NEMP1: variants seen among roughly 807,000 people sequenced by gnomAD.
NEMP1 encodes the protein nuclear envelope integral membrane protein 1.
Under a neutral mutation model 53.7 loss-of-function variants are expected in NEMP1, and 29 were observed. The observed-to-expected ratio is 0.54, with a 90% confidence interval of 0.40 to 0.74. NEMP1 has a LOEUF of 0.74. NEMP1 is among the 30% of genes least tolerant of loss of function. NEMP1 has a pLI of 0.00. For missense variants in NEMP1, 477 were observed against 528.6 expected (o/e 0.90, Z 0.96); for synonymous variants, 193 against 192.9 (o/e 1.00, Z 0.00).
chr12:57,060,907 C>A lies in NEMP1; in HGVS notation c.1019G>T (p.Arg340Leu). 6.2e-7 allele frequency: 1 copy of A among 1,614,064 alleles called. No homozygotes were observed. Among genetic ancestry groups the A allele is most frequent in the Non-Finnish European group, 8.5e-7 (1 of 1,179,982 alleles). Residue 340 changes from arginine to leucine, a missense_variant, in exon 8 of 9, where the codon CGT (arginine) becomes CTT (leucine). Transcript: ENST00000300128. ...CCGATATTCTTCTTCTGTCAGGAGA[C>A]GAGGGGGAACAGGCTTTTCTGCTCC... is the stretch of plus-strand genomic sequence containing the variant. ...CKGAEKPVPPRLLTEEEYRIQ... is the reference protein window; with the variant it reads ...CKGAEKPVPPLLLTEEEYRIQ...
chr12:57,082,189 C>CTGCAATG, upstream of NEMP1, among the ~76,000 whole-genome samples: 1 of 152,196 alleles, frequency 6.6e-6, no homozygotes, highest in Admixed American at 6.5e-5. Flanking sequence ...CACTGCACTC[C>CTGCAATG]AGCCCGGTGA....
intron 1 of NEMP1, among the ~76,000 whole-genome samples, chr12:57,073,147 A>G (rs1244460494): frequency 2.0e-5 from 3 of 151,808 alleles, no homozygotes; most frequent in East Asian, 3.9e-4. Context: ...AATAAAAACT[A>G]CTATTAAGTA....
chr12:57,070,409 A>T (rs760966947), intron 3 of NEMP1, among the ~76,000 whole-genome samples: 1 of 152,226 alleles, frequency 6.6e-6, no homozygotes, highest in Non-Finnish European at 1.5e-5. Context: ...TAGCAGCACA[A>T]TGTAATTGGG....
chr12:57,068,806 T>G (rs1592507583), intron 4 of NEMP1, among the ~76,000 whole-genome samples: 2 of 152,172 alleles, frequency 1.3e-5, no homozygotes, highest in African/African-American at 4.8e-5. Context: ...GACCTCATGA[T>G]CCGCCAGCCT....
At chr12:57,072,651 G>A (rs1044095209) in intron 2 of NEMP1, 137 bp downstream of exon 2, 75 of 923,134 alleles carry the variant, frequency 8.1e-5, no homozygotes, top group Non-Finnish European at 1.1e-4. Context: ...ACACAACTCA[G>A]GATAATCTCA....
chr12:57,087,553 C>T (rs1203543230), intron 1 of NEMP1, among the ~76,000 whole-genome samples: 1 of 151,890 alleles, frequency 6.6e-6, no homozygotes, highest in African/African-American at 2.4e-5. Context: ...GGAGACGGGA[C>T]TCTGCTCGTT....
At position 57,057,170 on chromosome 12, in the gene NEMP1, T is replaced by G. The variant is rs2031565564; in HGVS notation, c.*2709A>C. On this transcript the variant is annotated 3_prime_UTR_variant, in exon 9 of 9. Transcript: ENST00000300128. Reference sequence around the variant, plus strand: ...TACATTAATGCTCTACATAATTTGGTCAGACTGATGAGAGGCAATAGATTT... The same window carrying G: ...TACATTAATGCTCTACATAATTTGGGCAGACTGATGAGAGGCAATAGATTT... 1 of 152,154 alleles carries G rather than the reference T, an allele frequency of 6.6e-6. No homozygotes were observed. The highest frequency in any genetic ancestry group is 6.5e-5 in the Admixed American group (1 of 15,280). 9.4% of individuals were successfully genotyped at this position (152,154 alleles called of 1,614,324 possible).
In NEMP1 at chr12:57,070,751, C is replaced by T. The variant is rs2032306895; in HGVS notation, c.395G>A (p.Gly132Asp). 6.3e-7 allele frequency: 1 copy of T among 1,594,790 alleles called. No homozygotes were observed. The highest frequency in any genetic ancestry group is 1.7e-4 in the Middle Eastern group (1 of 6,042). Residue 132 changes from glycine (G) to aspartate (D), a missense_variant, in exon 3 of 9, where the codon GGT becomes GAT. Transcript: ENST00000300128. ...EKLNDTYVNV[G>D]LYSTKTCLKV... ...GAGGCAGGTTTTTGTGCTGTATAGA[C>T]CCACGTTAACATAGGTGTCATTCAA...
Position 57,070,865 on chromosome 12 carries a change from C to T in NEMP1, c.281G>A (p.Arg94Gln). 1.9e-6 allele frequency: 3 copies of T among 1,613,998 alleles called. No individual in the cohort carries two copies. Among genetic ancestry groups the T allele is most frequent in the Non-Finnish European group, 2.5e-6 (3 of 1,179,992 alleles). The change falls in exon 3 of 9, where the codon CGA becomes CAA. Residue 94 changes from arginine (R) to glutamine (Q), a missense_variant. Physicochemically the swap from Arg to Gln is conservative, Grantham distance 43 (BLOSUM62 1). Transcript: ENST00000300128. ...QIRVNSSRLV[R>Q]VTQVENEEKL... is the part of the protein sequence containing the mutation. ...CTCCTCATTCTCCACCTGGGTGACT[C>T]GAACCAATCTGGAACTATTTACTCG...
intron 8 of NEMP1, 55 bp downstream of exon 8, chr12:57,060,717 G>A: frequency 2.6e-6 from 4 of 1,529,680 alleles, no homozygotes; most frequent in Admixed American, 2.0e-5. Context: ...ATCTCTGGTA[G>A]AACTCAAGGT....
rs191983992 is a variant in NEMP1 at position 57,078,684 on chromosome 12, C to T, written c.62G>A (p.Gly21Glu). 1.2e-6 allele frequency: 2 copies of T among 1,613,672 alleles called. No homozygotes were observed. The highest frequency in any genetic ancestry group is 1.7e-6 in the Non-Finnish European group (2 of 1,179,794). ...CCGCACTGTCCCACCGCCCCCGACT[C>T]CCGAGCCCCAGGGCCCGGGACCAAC... ...PAVGPGPWGS[G>E]VGGGGTVRLL... is the part of the protein sequence containing the mutation. Residue 21 changes from glycine (G) to glutamate (E), a missense_variant, in exon 1 of 9, where the codon GGA becomes GAA. Gly to Glu is a moderately conservative substitution (Grantham distance 98). Coordinates refer to ENST00000300128, the MANE Select transcript of NEMP1 (RefSeq NM_001130963.2).
chr12:57,063,152 T>C lies in NEMP1; in HGVS notation c.947A>G (p.Glu316Gly). ...IIIALCTKNLEHPIQWLYITC... is the reference protein window; with the variant it reads ...IIIALCTKNLGHPIQWLYITC... ...GATGTACAGCCACTGAATAGGGTGTTCCAGGTTCTTAGTACAAAGAGCAAT... is the reference window on the plus strand; with the variant it reads ...GATGTACAGCCACTGAATAGGGTGTCCCAGGTTCTTAGTACAAAGAGCAAT... Residue 316 changes from glutamate (E) to glycine (G), a missense_variant, in exon 7 of 9, where the codon GAA becomes GGA. Coordinates refer to ENST00000300128, the MANE Select transcript of NEMP1 (RefSeq NM_001130963.2). 1.2e-6 allele frequency: 2 copies of C among 1,614,104 alleles called. No homozygotes were observed. The highest frequency in any genetic ancestry group is 1.7e-6 in the Non-Finnish European group (2 of 1,179,966).
At chr12:57,086,535 CCCCA>C (rs1336963926) in intron 1 of NEMP1, among the ~76,000 whole-genome samples, 1 of 151,788 alleles carries the variant, frequency 6.6e-6, no homozygotes, top group African/African-American at 2.4e-5. Flanking sequence ...ACTCCCCCCC[CCCCA>C]CACACACACC....
chr12:57,067,937 T>C (rs867242429), intron 4 of NEMP1, among the ~76,000 whole-genome samples: 13 of 152,010 alleles, frequency 8.6e-5, no homozygotes, highest in Non-Finnish European at 1.9e-4. Context: ...GCCTGGCTAA[T>C]TTTTGTATTT....
rs1027554434 is a variant in NEMP1, at chr12:57,069,183, G to C, written c.545+51C>G. The C allele has an allele frequency of 4.6e-6, 6 of 1,305,732 alleles. No individual in the cohort carries two copies. In the East Asian group the frequency reaches 7.9e-5, roughly 17 times the overall value. 80.9% of individuals were successfully genotyped at this position (1,305,732 alleles called of 1,614,324 possible). ...TACTTAATAGTTACTATAAAACGCA[G>C]GCAGGATAGGTATGAGCCGTTTCAT... On this transcript the variant is annotated intron_variant, in intron 4 of 8. Transcript: ENST00000300128.
upstream of NEMP1, among the ~76,000 whole-genome samples, chr12:57,088,397 G>A (rs2033079371): frequency 6.6e-6 from 1 of 152,204 alleles, no homozygotes; most frequent in Non-Finnish European, 1.5e-5. Flanking sequence ...ATATCTAGGA[G>A]ATCCCTGCAG....
chr12:57,062,506 C>G (rs2031862130), intron 7 of NEMP1, among the ~76,000 whole-genome samples: 1 of 149,068 alleles, frequency 6.7e-6, no homozygotes, highest in African/African-American at 2.5e-5. Flanking sequence ...CCCAGGAGAC[C>G]TCAATGAGCA....
intron 1 of NEMP1, among the ~76,000 whole-genome samples, chr12:57,084,013 A>G (rs1025872839): frequency 6.6e-6 from 1 of 150,716 alleles, no homozygotes; most frequent in African/African-American, 2.5e-5. Context: ...CCCAGGCTGG[A>G]GTGCGATGGC....
rs2031523658 is a variant in NEMP1 at position 57,056,348 on chromosome 12, A to T, written c.*3531T>A. 1 of 152,194 alleles carries T rather than the reference A, an allele frequency of 6.6e-6. No individual in the cohort carries two copies. The highest frequency in any genetic ancestry group is 2.4e-5 in the African/African-American group (1 of 41,456). The allele number at this position is 152,194 out of a possible 1,614,324, so 9.4% of individuals were successfully genotyped here. A position where few individuals can be genotyped will look rare whatever the true frequency, so the allele number is the denominator to read the frequency against. On this transcript the variant is annotated 3_prime_UTR_variant, in exon 9 of 9. Coordinates refer to ENST00000300128, the MANE Select transcript of NEMP1 (RefSeq NM_001130963.2). ...CCCCTAAAAAAATAAAAAAAAAATC[A>T]ATTTCTGCTATGTAGAAAAAGAAAC...
Sources: allele counts gnomAD v4.1 joint callset (sites outside exome capture counted in the v4.1 genomes callset), GRCh38; gene constraint gnomAD v4.1.1; transcripts MANE v1.5; gene names NCBI Gene and HGNC (gene_info 2026-07-23, HGNC 2026-07-21).